Variants in TOPBP1 observed in about 807,000 individuals in gnomAD.
TOPBP1 encodes DNA topoisomerase II binding protein 1.
In TOPBP1, 28 loss-of-function variants were observed where a neutral mutation model predicts 167.7. The observed-to-expected ratio is 0.17, with a 90% CI of 0.12 to 0.23. TOPBP1 has a LOEUF of 0.23. Among genes scored for constraint, TOPBP1 ranks in the 10% least tolerant of loss-of-function variants. The probability of loss-of-function intolerance (pLI) is 1.00; values close to 1 mark genes in which losing one functional copy is unlikely to be tolerated. For synonymous variants in TOPBP1, 598 were observed against 611.4 expected, an observed-to-expected ratio of 0.98 and a Z score of 0.32; for missense variants, 1,554 against 1,809.6, an observed-to-expected ratio of 0.86 and a Z score of 2.56.
chr3:133,622,212 AAG>A (rs1935116033), intron 19 of TOPBP1, among the ~76,000 whole-genome samples: 1 of 124,464 alleles, frequency 8.0e-6, no homozygotes, highest in South Asian at 2.5e-4. Context: ...TTTTTGAGAC[AAG>A]AGTTTTGCTC....
intron 23 of TOPBP1, among the ~76,000 whole-genome samples, chr3:133,613,223 T>G (rs1302811048): frequency 6.6e-6 from 1 of 152,186 alleles, no homozygotes; most frequent in African/African-American, 2.4e-5. Flanking sequence ...TATTTCAGTA[T>G]GCATCTCTAG....
intron 4 of TOPBP1, among the ~76,000 whole-genome samples, chr3:133,657,485 G>A (rs1001009010): frequency 5.3e-5 from 8 of 149,568 alleles, no homozygotes; most frequent in Non-Finnish European, 8.9e-5. Flanking sequence ...TGATTCAAAC[G>A]ATTTAGAATC....
chr3:133,660,159 C>T (rs915383161), intron 2 of TOPBP1, among the ~76,000 whole-genome samples: 30 of 152,220 alleles, frequency 2.0e-4, no homozygotes, highest in African/African-American at 7.0e-4. Flanking sequence ...CAGATATCTG[C>T]AAGGCTATCT....
In TOPBP1 at chr3:133,628,428, C is replaced by G; in HGVS notation, c.2738G>C (p.Ser913Thr). 6.2e-7 allele frequency: 1 copy of G among 1,611,212 alleles called. No individual in the cohort carries two copies. The highest frequency in any genetic ancestry group is 8.5e-7 in the Non-Finnish European group (1 of 1,178,644). Residue 913 changes from serine to threonine, a missense_variant, in exon 16 of 28, where the codon AGT (serine) becomes ACT (threonine). Physicochemically the swap from Ser to Thr is moderately conservative, Grantham distance 58 (BLOSUM62 1). This residue lies in a region of TOPBP1 where 1,197 missense variants were observed against 1,351.5 expected (regional missense o/e 0.89). Transcript: ENST00000260810. The stretch of plus-strand genomic sequence containing the variant: ...ACTCTGCTTCTTACTGAGTTTTTTA[C>G]TAACACATACCACTACTTTGTGAAG... Reference protein sequence around the residue: ...KPLHKVVVCVSKKLSKKQSEL... With the variant: ...KPLHKVVVCVTKKLSKKQSEL...
At chr3:133,614,776 T>C (rs1004630055) in intron 23 of TOPBP1, among the ~76,000 whole-genome samples, 1 of 144,352 alleles carries the variant, frequency 6.9e-6, no homozygotes, top group African/African-American at 2.6e-5. Context: ...AAGTGTTTTG[T>C]ATGAGTAAAG....
intron 11 of TOPBP1, 115 bp from the exon 12 acceptor site, chr3:133,643,487 T>C: frequency 1.2e-6 from 1 of 827,426 alleles, no homozygotes; most frequent in Non-Finnish European, 1.8e-6. Context: ...TTTACTTTAA[T>C]ACAAACTTGT....
In TOPBP1 at chr3:133,645,012, T is replaced by C. The variant is rs369817603; in HGVS notation, c.1505-649A>G. Among the ~76,000 whole-genome samples, 8 of 152,308 alleles carry C rather than the reference T, an allele frequency of 5.3e-5. 1 individual carries two copies. Among genetic ancestry groups the C allele is most frequent in the East Asian group, 1.9e-4 (1 of 5,190 alleles). On this transcript the variant is annotated intron_variant, in intron 10 of 27. Coordinates refer to ENST00000260810, the MANE Select transcript of TOPBP1 (RefSeq NM_007027.4). ...TTTTGTACAAAAGGAGTCTCAGGCT[T>C]GAAGAGGTTATGTAACTTGCCTAAG...
chr3:133,659,220 A>G, intron 2 of TOPBP1, 70 bp from the exon 3 acceptor site: 1 of 1,414,080 alleles, frequency 7.1e-7, no homozygotes, highest in Non-Finnish European at 9.4e-7. Flanking sequence ...TTCAAATTCC[A>G]TCTCAAATCC....
intron 27 of TOPBP1, among the ~76,000 whole-genome samples, chr3:133,605,423 C>G (rs1934456742): frequency 2.0e-5 from 3 of 152,046 alleles, no homozygotes; most frequent in African/African-American, 7.2e-5. Context: ...CTAAATCTAG[C>G]AATATATACA....
chr3:133,643,395 T>C (rs375498144), intron 11 of TOPBP1, 23 bp from the exon 12 acceptor site: 15 of 1,541,460 alleles, frequency 9.7e-6, no homozygotes, highest in Admixed American at 8.8e-5. Flanking sequence ...AAAGAAATAG[T>C]AAAGCCAACC....
At chr3:133,619,454 ATT>A (rs1170844734) in intron 20 of TOPBP1, among the ~76,000 whole-genome samples, 2 of 152,240 alleles carry the variant, frequency 1.3e-5, no homozygotes, top group East Asian at 1.9e-4. Context: ...ACAATTATAG[ATT>A]TTTTTCTTCT....
chr3:133,617,861 A>C (rs531824534), intron 21 of TOPBP1, among the ~76,000 whole-genome samples: 32 of 152,356 alleles, frequency 2.1e-4, no homozygotes, highest in Non-Finnish European at 3.8e-4. Flanking sequence ...TGCTAGGCAG[A>C]ATTCAAAAGA....
chr3:133,624,211 A>C (rs1935194841), intron 16 of TOPBP1, 36 bp from the exon 17 acceptor site: 2 of 1,603,202 alleles, frequency 1.2e-6, no homozygotes, highest in Non-Finnish European at 1.7e-6. Flanking sequence ...AATAACCAAG[A>C]GAAACATCCT....
chr3:133,653,560 G>C, intron 6 of TOPBP1, 36 bp from the exon 7 acceptor site: 1 of 1,451,338 alleles, frequency 6.9e-7, no homozygotes, highest in Non-Finnish European at 9.1e-7. Flanking sequence ...AGAGAAAATA[G>C]GAGAAACCAA....
intron 14 of TOPBP1, among the ~76,000 whole-genome samples, chr3:133,631,826 T>C (rs1028298930): frequency 5.9e-5 from 9 of 151,970 alleles, no homozygotes; most frequent in African/African-American, 1.9e-4. Context: ...TTAGTAGAGA[T>C]GGGGTTTCGC....
At chr3:133,655,088 C>A (rs1361130968) in intron 6 of TOPBP1, among the ~76,000 whole-genome samples, 1 of 152,212 alleles carries the variant, frequency 6.6e-6, no homozygotes, top group East Asian at 1.9e-4. Flanking sequence ...TGCCTGTAAT[C>A]CCGCTACTCG....
At position 133,618,261 on chromosome 3, in the gene TOPBP1, C is replaced by A; in HGVS notation, c.3544G>T (p.Asp1182Tyr). ...ELQVDIQNLE[D>Y]SPFQKPLHDS... ...TGTAAAGGCTTTTGAAAAGGAGAAT[C>A]CTCCAAGTTTTGAATGTCAACCTGA... The change falls in exon 21 of 28, where the codon GAT (aspartate) becomes TAT (tyrosine). Residue 1182 changes from aspartate to tyrosine, a missense_variant. Around this residue, in one of 3 missense-constraint regions of TOPBP1, gnomAD observed 351 missense variants for 432.9 expected, o/e 0.81. Transcript: ENST00000260810. 6.2e-7 allele frequency: 1 copy of A among 1,613,940 alleles called. No individual in the cohort carries two copies. The highest frequency in any genetic ancestry group is 8.5e-7 in the Non-Finnish European group (1 of 1,179,862).
chr3:133,635,438 A>G (rs978663395), intron 14 of TOPBP1, among the ~76,000 whole-genome samples: 8 of 152,076 alleles, frequency 5.3e-5, no homozygotes, highest in African/African-American at 1.7e-4. Context: ...AAAATTTGTT[A>G]GAGATGGCGG....
chr3:133,613,541 G>T (rs1157189144), intron 23 of TOPBP1, among the ~76,000 whole-genome samples: 1 of 152,124 alleles, frequency 6.6e-6, no homozygotes, highest in Non-Finnish European at 1.5e-5. Flanking sequence ...TTTATGAGTG[G>T]AAATAATGTC....
Sources: gnomAD v4.1 joint callset for allele counts (sites outside exome capture counted in the v4.1 genomes callset) on GRCh38, gnomAD v4.1.1 for gene constraint, gnomAD v4.1.1 regional missense constraint, MANE v1.5 for transcripts, NCBI Gene and HGNC (gene_info 2026-07-23, HGNC 2026-07-21) for gene names.